The following PHACTR1 variants were observed in gnomAD, a reference collection of about 807,000 sequenced individuals.
PHACTR1 encodes phosphatase and actin regulator 1.
Under a neutral mutation model 69.2 loss-of-function variants are expected in PHACTR1, and 16 were observed. That is an observed-to-expected ratio of 0.23 (90% confidence interval 0.16 to 0.35). The LOEUF (loss-of-function observed/expected upper bound fraction) is 0.35, where lower values mean the gene tolerates loss of function less well. Ranked by LOEUF, PHACTR1 falls within the 10% of genes least tolerant of loss-of-function variation. The pLI is 1.00. For missense variants in PHACTR1, 510 were observed against 734.7 expected (o/e 0.69, Z 3.54); for synonymous variants, 312 against 284.5 (o/e 1.10, Z -0.97).
intron 5 of PHACTR1, among the ~76,000 whole-genome samples, chr6:13,144,491 G>A (rs1389488287): frequency 6.6e-6 from 1 of 152,128 alleles, no homozygotes; most frequent in Non-Finnish European, 1.5e-5. Context: ...TCATGGACTA[G>A]AAGACTCAAT....
chr6:12,777,974 G>A (rs1770309647), intron 4 of PHACTR1, among the ~76,000 whole-genome samples: 1 of 152,124 alleles, frequency 6.6e-6, no homozygotes, highest in South Asian at 2.1e-4. Flanking sequence ...ACTGGTATGG[G>A]CATATGAATG....
At chr6:13,259,843 T>C (rs148827385) in intron 10 of PHACTR1, among the ~76,000 whole-genome samples, 41 of 152,284 alleles carry the variant, frequency 2.7e-4, no homozygotes, top group African/African-American at 9.9e-4. Context: ...ATGACAGAAA[T>C]TTGAAAATCA....
intron 10 of PHACTR1, among the ~76,000 whole-genome samples, chr6:13,269,213 G>T (rs986029407): frequency 6.6e-6 from 1 of 152,194 alleles, no homozygotes; most frequent in Non-Finnish European, 1.5e-5. Context: ...TTAAAGCCTG[G>T]GTATTACCAA....
At chr6:12,867,645 C>A (rs543396695) in intron 4 of PHACTR1, among the ~76,000 whole-genome samples, 1 of 152,322 alleles carries the variant, frequency 6.6e-6, no homozygotes, top group Admixed American at 6.5e-5. Flanking sequence ...ATTATCAGAG[C>A]CCTCTCCCAA....
chr6:13,072,693 T>G (rs1421866203), intron 5 of PHACTR1, among the ~76,000 whole-genome samples: 1 of 152,228 alleles, frequency 6.6e-6, no homozygotes, highest in African/African-American at 2.4e-5. Flanking sequence ...GTTTCTTTTC[T>G]TTATTTTTTC....
chr6:13,229,428 G>T (rs891262810), intron 9 of PHACTR1, among the ~76,000 whole-genome samples: 4 of 152,078 alleles, frequency 2.6e-5, no homozygotes, highest in Non-Finnish European at 5.9e-5. Flanking sequence ...GAAATGCTGG[G>T]GTTGAAAAGA....
Position 13,227,987 on chromosome 6 carries a change from A to G in PHACTR1, c.1158A>G (p.Glu386=). The stretch of plus-strand genomic sequence containing the variant: ...ATGTGCCTCATGAGTCAGACTACGA[A>G]GACTCTTCTTGCCTGTATACAAGAG... ...KENVPHESDY[E]DSSCLYTREE... Residue 386 remains glutamate, a synonymous_variant, in exon 9 of 15, where the codon GAA becomes GAG. Coordinates refer to ENST00000332995, the MANE Select transcript of PHACTR1 (RefSeq NM_030948.6). The G allele has an allele frequency of 6.2e-7, 1 of 1,614,040 alleles. No homozygotes were observed. Among genetic ancestry groups the G allele is most frequent in the Non-Finnish European group, 8.5e-7 (1 of 1,179,894 alleles).
chr6:13,220,347 G>T (rs1025503198), intron 8 of PHACTR1, among the ~76,000 whole-genome samples: 41 of 152,314 alleles, frequency 2.7e-4, no homozygotes, highest in African/African-American at 9.4e-4. Context: ...ATAGGGAGCA[G>T]AAATTCATCT....
At chr6:12,792,114 G>T (rs1772356274) in intron 4 of PHACTR1, among the ~76,000 whole-genome samples, 1 of 152,048 alleles carries the variant, frequency 6.6e-6, no homozygotes, top group African/African-American at 2.4e-5. Context: ...GTGTGTGTGT[G>T]TTTTCATATG....
intron 4 of PHACTR1, among the ~76,000 whole-genome samples, chr6:12,761,765 C>T (rs1194870707): frequency 6.6e-6 from 1 of 152,134 alleles, no homozygotes; most frequent in East Asian, 1.9e-4. Context: ...AACTGAATGC[C>T]CTAATTATTT....
chr6:13,069,259 T>C (rs890477158), intron 5 of PHACTR1, among the ~76,000 whole-genome samples: 3 of 152,240 alleles, frequency 2.0e-5, no homozygotes, highest in African/African-American at 7.2e-5. Context: ...GTCCTCGCAC[T>C]GTTTCTGCCA....
chr6:13,106,618 C>T (rs769154971), intron 5 of PHACTR1, among the ~76,000 whole-genome samples: 34 of 152,162 alleles, frequency 2.2e-4, no homozygotes, highest in Non-Finnish European at 3.4e-4. Flanking sequence ...GCTGGGACTA[C>T]AGGCATGTAC....
chr6:13,262,587 A>G (rs1168563349), intron 10 of PHACTR1, among the ~76,000 whole-genome samples: 1 of 152,150 alleles, frequency 6.6e-6, no homozygotes, highest in Non-Finnish European at 1.5e-5. Flanking sequence ...CTGGGGATGT[A>G]GTAATAACCA....
intron 5 of PHACTR1, among the ~76,000 whole-genome samples, chr6:13,075,845 C>G (rs1311800644): frequency 6.6e-6 from 1 of 152,088 alleles, no homozygotes; most frequent in Non-Finnish European, 1.5e-5. Context: ...CCCTCCGACT[C>G]CCTGCAGCAA....
chr6:12,953,780 G>A (rs62386820), intron 4 of PHACTR1, among the ~76,000 whole-genome samples: 24,473 of 152,120 alleles, frequency 0.16, 2,248 homozygotes, highest in Middle Eastern at 0.24. Context: ...TGGTGGTAAC[G>A]ATAATACACC....
chr6:13,190,963 A>G (rs947964351), intron 7 of PHACTR1, among the ~76,000 whole-genome samples: 4 of 152,020 alleles, frequency 2.6e-5, no homozygotes, highest in Non-Finnish European at 4.4e-5. Flanking sequence ...TGCTTGACCA[A>G]TATTCCTGGT....
At chr6:13,053,289 G>T in intron 4 of PHACTR1, 76 bp from the exon 5 acceptor site, 1 of 1,379,934 alleles carries the variant, frequency 7.2e-7, no homozygotes, top group Non-Finnish European at 9.8e-7. Flanking sequence ...CATGGAAAAC[G>T]TTGGCCATCT....
chr6:13,278,369 G>A (rs1214477827), intron 12 of PHACTR1, 40 bp downstream of exon 12: 1 of 1,554,640 alleles, frequency 6.4e-7, no homozygotes, highest in Non-Finnish European at 8.7e-7. Context: ...ACAGGAGAGG[G>A]TGGGCTGCCT....
rs759477155 is a variant in PHACTR1 at position 13,283,620 on chromosome 6, G to A, written c.1650+58G>A. 7.4e-6 allele frequency: 12 copies of A among 1,612,394 alleles called. No homozygotes were observed. Among genetic ancestry groups the A allele is most frequent in the Non-Finnish European group, 1.0e-5 (12 of 1,179,578 alleles). ...CAGGACCGTCTGCTGGGTCTCGCTGGGCTCACCGCTGGGGAGCGTGTAGGG... is the reference window on the plus strand; with the variant it reads ...CAGGACCGTCTGCTGGGTCTCGCTGAGCTCACCGCTGGGGAGCGTGTAGGG... On this transcript the variant is annotated intron_variant, in intron 13 of 14. Transcript: ENST00000332995. The surrounding 1 kb of genome is among the most constrained non-coding windows in gnomAD (Gnocchi z 4.7).
Sources: gnomAD v4.1 joint callset for allele counts (sites outside exome capture counted in the v4.1 genomes callset) on GRCh38, gnomAD v4.1.1 for gene constraint, Gnocchi (gnomAD v3.1) non-coding constraint, MANE v1.5 for transcripts, NCBI Gene and HGNC (gene_info 2026-07-23, HGNC 2026-07-21) for gene names.